LYN: variants seen among roughly 807,000 people sequenced by gnomAD.
LYN encodes LYN proto-oncogene, Src family tyrosine kinase, also known as tyrosine-protein kinase Lyn.
In LYN, 12 loss-of-function variants were observed where a neutral mutation model predicts 65.0. The ratio of observed to expected loss-of-function variants is 0.18; its 90% CI spans 0.12 to 0.30. The LOEUF is 0.30. Ranked by LOEUF, LYN falls within the 10% of genes least tolerant of loss-of-function variation. The pLI, the probability that LYN is intolerant of heterozygous loss-of-function variation, is 1.00. For synonymous variants in LYN, 222 were observed against 221.2 expected, an observed-to-expected ratio of 1.00 and a Z score of -0.03; for missense variants, 380 against 623.2, an observed-to-expected ratio of 0.61 and a Z score of 4.16.
At chr8:55,948,405 G>A (rs1806846019) in intron 4 of LYN, among the ~76,000 whole-genome samples, 1 of 152,164 alleles carries the variant, frequency 6.6e-6, no homozygotes, top group Non-Finnish European at 1.5e-5. Flanking sequence ...GCCCAGCCTA[G>A]CTTGAGTTCT....
intron 1 of LYN, among the ~76,000 whole-genome samples, chr8:55,898,133 CA>C (rs143378787): frequency 6.6e-6 from 1 of 151,116 alleles, no homozygotes; most frequent in Non-Finnish European, 1.5e-5. Flanking sequence ...ACCCTCCCCC[CA>C]AAAAAAAACT....
At chr8:55,931,547 C>T (rs1158702540) in intron 1 of LYN, among the ~76,000 whole-genome samples, 1 of 151,888 alleles carries the variant, frequency 6.6e-6, no homozygotes, top group Non-Finnish European at 1.5e-5. Flanking sequence ...TGTAGATGAA[C>T]ATTGCGGTAG....
At chr8:55,950,853 C>T in intron 6 of LYN, 69 bp downstream of exon 6, 2 of 1,159,766 alleles carry the variant, frequency 1.7e-6, no homozygotes, top group Admixed American at 1.8e-5. Flanking sequence ...TATTCTAGAG[C>T]TACTCAAGGG....
intron 1 of LYN, among the ~76,000 whole-genome samples, chr8:55,899,225 A>G (rs1805195133): frequency 6.6e-6 from 1 of 152,204 alleles, no homozygotes; most frequent in Non-Finnish European, 1.5e-5. Flanking sequence ...TAGGTAGTCA[A>G]TTCCTTAAAA....
intron 12 of LYN, among the ~76,000 whole-genome samples, chr8:56,007,148 A>G (rs913194496): frequency 6.6e-6 from 1 of 152,222 alleles, no homozygotes; most frequent in Non-Finnish European, 1.5e-5. Flanking sequence ...TTTTATGCAA[A>G]TGAGGGATCT....
chr8:55,930,653 T>G (rs1214709820), intron 1 of LYN, among the ~76,000 whole-genome samples: 1 of 152,190 alleles, frequency 6.6e-6, no homozygotes, highest in Non-Finnish European at 1.5e-5. Flanking sequence ...CCCTGTTGTC[T>G]TCCTCTGTGT....
chr8:55,970,444 G>A (rs73679604), intron 10 of LYN, among the ~76,000 whole-genome samples: 1,853 of 152,292 alleles, frequency 0.012, 28 homozygotes, highest in African/African-American at 0.038. Context: ...AATGATGCCA[G>A]CTGCTGGCTT....
chr8:55,883,410 A>G (rs1425984035), intron 1 of LYN, among the ~76,000 whole-genome samples: 2 of 152,210 alleles, frequency 1.3e-5, no homozygotes, highest in African/African-American at 2.4e-5. Flanking sequence ...GGGCACTTCA[A>G]GCTGTCTTCT....
intron 7 of LYN, among the ~76,000 whole-genome samples, chr8:55,952,998 C>T (rs954524358): frequency 6.6e-6 from 1 of 152,084 alleles, no homozygotes; most frequent in Non-Finnish European, 1.5e-5. Context: ...ATGACCTGCT[C>T]GAAGGGGATG....
chr8:55,924,524 CG>C (rs1806043983), intron 1 of LYN, among the ~76,000 whole-genome samples: 1 of 151,508 alleles, frequency 6.6e-6, no homozygotes, highest in South Asian at 2.1e-4. Context: ...CCACCATGCC[CG>C]GCTTATTTTT....
At chr8:55,994,106 G>T (rs190668613) in intron 10 of LYN, among the ~76,000 whole-genome samples, 1 of 152,112 alleles carries the variant, frequency 6.6e-6, no homozygotes, top group Non-Finnish European at 1.5e-5. Flanking sequence ...CTTAGCCGTA[G>T]TAAATAGACC....
intron 1 of LYN, among the ~76,000 whole-genome samples, chr8:55,903,090 G>A (rs770978844): frequency 3.9e-5 from 6 of 151,914 alleles, no homozygotes; most frequent in South Asian, 2.1e-4. Context: ...TTCGCGATCC[G>A]CCCACTTCAG....
intron 10 of LYN, among the ~76,000 whole-genome samples, chr8:55,982,996 C>T (rs1261809395): frequency 6.6e-5 from 10 of 152,088 alleles, no homozygotes; most frequent in African/African-American, 2.4e-4. Context: ...CTCATTGCCC[C>T]TCCCCCATGT....
At chr8:56,004,138 G>A (rs2130594406) in intron 12 of LYN, among the ~76,000 whole-genome samples, 1 of 151,590 alleles carries the variant, frequency 6.6e-6, no homozygotes, top group East Asian at 1.9e-4. Context: ...CTCCATGTTG[G>A]TCAGGCTGAT....
chr8:56,009,547 G>A (rs1162697185), intron 12 of LYN, among the ~76,000 whole-genome samples: 1 of 152,186 alleles, frequency 6.6e-6, no homozygotes, highest in East Asian at 1.9e-4. Context: ...GTAGATGGCT[G>A]CCTCCTCCCT....
chr8:55,898,625 G>A (rs962906619), intron 1 of LYN, among the ~76,000 whole-genome samples: 4 of 152,120 alleles, frequency 2.6e-5, no homozygotes, highest in Admixed American at 6.6e-5. Context: ...TTCACATATT[G>A]TATAATTCAC....
intron 12 of LYN, among the ~76,000 whole-genome samples, chr8:56,006,313 A>C (rs1480697759): frequency 6.6e-6 from 1 of 152,196 alleles, no homozygotes; most frequent in Non-Finnish European, 1.5e-5. Context: ...TCAGAAAATA[A>C]TAATAGTAAT....
intron 7 of LYN, 42 bp from the exon 8 acceptor site, chr8:55,953,790 A>G: frequency 6.2e-7 from 1 of 1,600,060 alleles, no homozygotes; most frequent in East Asian, 2.2e-5. Context: ...TAAAGTACAA[A>G]GTATTGCATT....
chr8:55,962,370 T>C (rs1807311120), intron 8 of LYN, among the ~76,000 whole-genome samples: 1 of 151,970 alleles, frequency 6.6e-6, no homozygotes, highest in Non-Finnish European at 1.5e-5. Context: ...CTTTTGCGTG[T>C]GGCTACAATT....
Sources: gnomAD v4.1 joint callset for allele counts (sites outside exome capture counted in the v4.1 genomes callset) on GRCh38, gnomAD v4.1.1 for gene constraint, MANE v1.5 for transcripts, NCBI Gene and HGNC (gene_info 2026-07-23, HGNC 2026-07-21) for gene names.